LCORL: variants seen among roughly 807,000 people sequenced by gnomAD.
The protein encoded by LCORL is ligand-dependent nuclear receptor corepressor-like protein.
LCORL carries 41 observed loss-of-function variants against 141.8 expected under a neutral mutation model. The observed-to-expected ratio is 0.29, with a 90% confidence interval of 0.23 to 0.38. The LOEUF (loss-of-function observed/expected upper bound fraction) is 0.38. LCORL is among the 10% of genes least tolerant of loss of function. The probability of loss-of-function intolerance (pLI) is 1.00; values close to 1 mark genes in which losing one functional copy is unlikely to be tolerated. For synonymous variants in LCORL, 618 were observed against 694.1 expected, an observed-to-expected ratio of 0.89 and a Z score of 1.72; for missense variants, 1,759 against 2,035.0, an observed-to-expected ratio of 0.86 and a Z score of 2.61.
intron 1 of LCORL, among the ~76,000 whole-genome samples, chr4:17,996,656 AAATTTCCAGAGGCCT>A (rs1049037092): frequency 1.3e-5 from 2 of 152,084 alleles, no homozygotes; most frequent in Non-Finnish European, 2.9e-5. Context: ...TTCCTCTGTA[AAATTTCCAGAGGCCT>A]GACATATTTC....
chr4:17,971,234 CT>C lies in LCORL; in HGVS notation c.220+1585del, dbSNP rs772998997. Among the ~76,000 whole-genome samples, 17 of 152,128 alleles carry C rather than the reference CT, an allele frequency of 1.1e-4. No individual in the cohort carries two copies. In the East Asian group the frequency reaches 3.3e-3, roughly 29 times the overall value. ...ATAACCACGACAAACATTTTGGTGT[CT>C]TTTCTTTCTAGTCTAAAATATACAC... On this transcript the variant is annotated intron_variant, in intron 2 of 7. Transcript: ENST00000635767.
chr4:18,000,003 A>T (rs537796781), intron 1 of LCORL, among the ~76,000 whole-genome samples: 15 of 152,356 alleles, frequency 9.8e-5, no homozygotes, highest in Admixed American at 6.5e-4. Flanking sequence ...TGCCTGGCAC[A>T]TTAAAAACTT....
At chr4:17,917,349 C>T (rs1411195821) in intron 4 of LCORL, among the ~76,000 whole-genome samples, 5 of 152,114 alleles carry the variant, frequency 3.3e-5, no homozygotes, top group Admixed American at 6.5e-5. Flanking sequence ...CCTGCCACCA[C>T]GCCCGGCTAA....
chr4:17,991,947 T>C (rs76165677), intron 1 of LCORL, among the ~76,000 whole-genome samples: 5,827 of 152,294 alleles, frequency 0.038, 172 homozygotes, highest in African/African-American at 0.082. Flanking sequence ...CACAAAGTGA[T>C]GGTGAGACAC....
In LCORL at chr4:17,971,015, C is replaced by T. The variant is rs966707934; in HGVS notation, c.220+1805G>A. On this transcript the variant is annotated intron_variant, in intron 2 of 7. Transcript: ENST00000635767. ...ACTAATTGTTGGTAAAAATAGATAA[C>T]GCTCTAAGGGAGGTCTCAGCCATAG... 7.2e-5 allele frequency among the ~76,000 whole-genome samples: 11 copies of T among 151,992 alleles called. No individual in the cohort carries two copies. In the East Asian group the frequency reaches 7.7e-4, roughly 11 times the overall value.
chr4:17,870,260 T>G (rs1726182846), intron 7 of LCORL, among the ~76,000 whole-genome samples: 2 of 152,174 alleles, frequency 1.3e-5, no homozygotes, highest in African/African-American at 4.8e-5. Context: ...GCTACCACAC[T>G]TGGCTAATTT....
intron 1 of LCORL, among the ~76,000 whole-genome samples, chr4:17,991,675 C>T (rs1421173304): frequency 6.6e-6 from 1 of 152,120 alleles, no homozygotes; most frequent in Non-Finnish European, 1.5e-5. Context: ...ATATCCAGAT[C>T]TCTGGTAAAT....
chr4:17,995,330 G>A (rs1039967402), intron 1 of LCORL, among the ~76,000 whole-genome samples: 7 of 151,600 alleles, frequency 4.6e-5, no homozygotes, highest in Non-Finnish European at 8.8e-5. Context: ...ACAAGGTCCT[G>A]GTCTCCTTAA....
intron 7 of LCORL, among the ~76,000 whole-genome samples, chr4:17,853,092 C>T (rs1723960484): frequency 7.0e-6 from 1 of 143,520 alleles, no homozygotes; most frequent in Non-Finnish European, 1.5e-5. Context: ...ACATTCAGTC[C>T]TAACAACTAT....
chr4:17,961,053 A>G (rs756627390), intron 4 of LCORL, among the ~76,000 whole-genome samples: 12 of 152,166 alleles, frequency 7.9e-5, no homozygotes, highest in Non-Finnish European at 1.6e-4. Flanking sequence ...AATTTAGTAG[A>G]AAAATATCTA....
chr4:17,953,368 G>A (rs1293469146), intron 4 of LCORL, among the ~76,000 whole-genome samples: 4 of 152,166 alleles, frequency 2.6e-5, no homozygotes, highest in Non-Finnish European at 5.9e-5. Context: ...CACCAGCAGT[G>A]TGTAAGTGTT....
chr4:17,942,095 T>G (rs1042463641), intron 4 of LCORL, among the ~76,000 whole-genome samples: 2 of 152,182 alleles, frequency 1.3e-5, no homozygotes, highest in African/African-American at 4.8e-5. Flanking sequence ...AAAACCTTTA[T>G]ATAAGCTTTT....
At chr4:17,883,589 TCTC>T (rs1727863835) in intron 6 of LCORL, 6 of 1,353,958 alleles carry the variant, frequency 4.4e-6, no homozygotes, top group Non-Finnish European at 4.7e-6. Context: ...AAATTTCATG[TCTC>T]CTGTCAGAGT....
At chr4:17,938,607 G>A (rs1161019582) in intron 4 of LCORL, among the ~76,000 whole-genome samples, 1 of 150,712 alleles carries the variant, frequency 6.6e-6, no homozygotes. Flanking sequence ...GTAGAGATGG[G>A]GTTTCTCCAT....
chr4:18,010,842 A>G (rs911516068), intron 1 of LCORL, among the ~76,000 whole-genome samples: 2 of 152,146 alleles, frequency 1.3e-5, no homozygotes, highest in African/African-American at 4.8e-5. Context: ...ACTTACCCCC[A>G]GATACAACCC....
At chr4:17,980,404 C>T (rs1261105075) in intron 1 of LCORL, among the ~76,000 whole-genome samples, 1 of 152,174 alleles carries the variant, frequency 6.6e-6, no homozygotes, top group Non-Finnish European at 1.5e-5. Flanking sequence ...TAAAGCATAA[C>T]TCTTTGATGT....
chr4:17,983,257 T>C (rs1718339982), intron 1 of LCORL, among the ~76,000 whole-genome samples: 3 of 152,234 alleles, frequency 2.0e-5, no homozygotes, highest in African/African-American at 4.8e-5. Flanking sequence ...GGCTCTTTTT[T>C]GGTTCAATAC....
intron 7 of LCORL, among the ~76,000 whole-genome samples, chr4:17,869,426 T>C (rs1306553137): frequency 6.6e-6 from 1 of 152,142 alleles, no homozygotes; most frequent in Non-Finnish European, 1.5e-5. Flanking sequence ...GATAAACTCT[T>C]GTTGCTATAT....
intron 3 of LCORL, 122 bp downstream of exon 3, chr4:17,962,848 C>A: frequency 2.2e-6 from 1 of 451,160 alleles, no homozygotes; most frequent in Non-Finnish European, 3.9e-6. Context: ...TTTCGTTTAC[C>A]AAAATCAAAT....
Sources: allele counts gnomAD v4.1 joint callset (sites outside exome capture counted in the v4.1 genomes callset), GRCh38; gene constraint gnomAD v4.1.1; transcripts MANE v1.5; gene names NCBI Gene and HGNC (gene_info 2026-07-23, HGNC 2026-07-21).